GARIN4: variants seen among roughly 807,000 people sequenced by gnomAD.
The protein encoded by GARIN4 is Golgi-associated RAB2 interactor protein 4.
the GARIN4 span, chr1:212,625,594 T>C: frequency 6.2e-7 from 1 of 1,614,074 alleles, no homozygotes; most frequent in African/African-American, 1.3e-5. Flanking sequence ...CTGCTTATGC[T>C]GGAGGGGAGG....
At chr1:212,625,341 C>T in the GARIN4 span, 1 of 1,614,218 alleles carries the variant, frequency 6.2e-7, no homozygotes, top group Non-Finnish European at 8.5e-7. Context: ...CAATTGTGTC[C>T]CGCTCTTGAC....
chr1:212,625,207 C>G, the GARIN4 span: 2 of 1,614,130 alleles, frequency 1.2e-6, no homozygotes, highest in South Asian at 1.1e-5. Flanking sequence ...GAAAAAAACG[C>G]AAGGCAGCAA....
At chr1:212,625,518 G>A in the GARIN4 span, 2 of 1,614,188 alleles carry the variant, frequency 1.2e-6, no homozygotes, top group South Asian at 2.2e-5. Flanking sequence ...CAAGGAAAGG[G>A]GGATCAGGAC....
the GARIN4 span, chr1:212,624,766 G>A: frequency 7.0e-7 from 1 of 1,438,074 alleles, no homozygotes. Flanking sequence ...GAGACCAGCT[G>A]CAGAGACATC....
At chr1:212,625,779 C>T in the GARIN4 span, 1 of 1,614,090 alleles carries the variant, frequency 6.2e-7, no homozygotes, top group Non-Finnish European at 8.5e-7. Flanking sequence ...GTGGCAGCAG[C>T]CAATTCTGCC....
At chr1:212,625,558 C>A in the GARIN4 span, 2 of 1,614,178 alleles carry the variant, frequency 1.2e-6, no homozygotes, top group Non-Finnish European at 1.7e-6. Flanking sequence ...TCCACATGGT[C>A]TCTGAGGTGT....
At chr1:212,626,770 C>G in the GARIN4 span, 1 of 1,456,626 alleles carries the variant, frequency 6.9e-7, no homozygotes, top group East Asian at 2.3e-5. Context: ...AATCATACAT[C>G]TGAAAGTGGC....
the GARIN4 span, chr1:212,625,487 A>C: frequency 6.2e-7 from 1 of 1,614,176 alleles, no homozygotes; most frequent in Non-Finnish European, 8.5e-7. Flanking sequence ...AGACAGGAGG[A>C]GCCTGGGAGC....
chr1:212,626,546 G>A, the GARIN4 span: 1 of 1,614,174 alleles, frequency 6.2e-7, no homozygotes, highest in Non-Finnish European at 8.5e-7. Context: ...GGCTAAGATG[G>A]CGGAGAGGAG....
At chr1:212,626,320 G>A in the GARIN4 span, 116 of 1,614,192 alleles carry the variant, frequency 7.2e-5, no homozygotes, top group Middle Eastern at 3.3e-4. Flanking sequence ...GTGGCAACCC[G>A]GGGAGCAGCA....
the GARIN4 span, chr1:212,625,464 CTG>C: frequency 1.2e-6 from 2 of 1,614,162 alleles, no homozygotes; most frequent in Admixed American, 3.3e-5. Flanking sequence ...ATGTGGATGC[CTG>C]TGTTTCAGGA....
the GARIN4 span, chr1:212,626,493 C>T: frequency 6.2e-7 from 1 of 1,614,196 alleles, no homozygotes; most frequent in Non-Finnish European, 8.5e-7. Flanking sequence ...AACCTTACTA[C>T]AAAAGTAGTG....
chr1:212,626,636 G>A, the GARIN4 span: 7 of 1,609,172 alleles, frequency 4.4e-6, no homozygotes, highest in Non-Finnish European at 5.9e-6. Context: ...GGACATCATG[G>A]AGACAGTGAC....
At chr1:212,625,680 A>G in the GARIN4 span, 1 of 1,614,154 alleles carries the variant, frequency 6.2e-7, no homozygotes, top group Non-Finnish European at 8.5e-7. Context: ...GAACTTGCTG[A>G]GGAGCCAGCA....
At chr1:212,624,949 C>T in the GARIN4 span, 1 of 1,614,032 alleles carries the variant, frequency 6.2e-7, no homozygotes, top group African/African-American at 1.3e-5. Context: ...TCAACACCAC[C>T]ATGGGGAAAC....
the GARIN4 span, chr1:212,624,911 G>C: frequency 6.2e-7 from 1 of 1,610,818 alleles, no homozygotes; most frequent in Non-Finnish European, 8.5e-7. Context: ...GTATTATACG[G>C]CCCAGAGTGG....
the GARIN4 span, chr1:212,625,927 G>T: frequency 6.2e-7 from 1 of 1,614,228 alleles, no homozygotes; most frequent in Admixed American, 1.7e-5. Context: ...CTGCAGGCAA[G>T]TCCTCAGAGC....
At chr1:212,625,595 G>A in the GARIN4 span, 6 of 1,614,216 alleles carry the variant, frequency 3.7e-6, no homozygotes, top group Non-Finnish European at 5.1e-6. Context: ...TGCTTATGCT[G>A]GAGGGGAGGG....
the GARIN4 span, chr1:212,626,335 C>A: frequency 6.2e-7 from 1 of 1,614,200 alleles, no homozygotes; most frequent in Admixed American, 1.7e-5. Flanking sequence ...GCAGCAGGCA[C>A]AGGGACTCGC....
Sources: gnomAD v4.1 joint callset for allele counts on GRCh38, gnomAD v4.1.1 for gene constraint, MANE v1.5 for transcripts, NCBI Gene and HGNC (gene_info 2026-07-23, HGNC 2026-07-21) for gene names.